TSFM: variants seen among roughly 807,000 people sequenced by gnomAD.
TSFM encodes elongation factor Ts, mitochondrial.
Under a neutral mutation model 33.4 loss-of-function variants are expected in TSFM, and 29 were observed. The ratio of observed to expected loss-of-function variants is 0.87; its 90% CI spans 0.65 to 1.18. TSFM has a LOEUF of 1.18. TSFM is among the 50% of genes most tolerant of loss of function. TSFM has a pLI of 0.00. For synonymous variants in TSFM, 178 were observed against 163.5 expected (o/e 1.09, Z -0.68); for missense variants, 394 against 395.6 (o/e 1.00, Z 0.04).
At chr12:57,797,757 C>T (rs2140431097), downstream of TSFM, 2 of 772,300 alleles carry the variant, frequency 2.6e-6, no homozygotes, top group Non-Finnish European at 3.7e-6. Flanking sequence ...CCGTGATTTG[C>T]AGACTCTATT....
intron 2 of TSFM, chr12:57,784,213 G>A (rs1224729140): frequency 5.8e-6 from 4 of 685,892 alleles, no homozygotes; most frequent in South Asian, 1.5e-5. Context: ...ACAGTAAATA[G>A]GCATAAAAGA....
chr12:57,783,771 A>G (rs1955548896), intron 2 of TSFM: 1 of 585,636 alleles, frequency 1.7e-6, no homozygotes, highest in African/African-American at 1.9e-5. Context: ...TTTATTTTTT[A>G]TTTTTTATTT....
rs373911414 is a variant in TSFM, at chr12:57,787,173, G to A, written c.483+11G>A. The stretch of plus-strand genomic sequence containing the variant: ...TCTGCATACAGTAAAGTAAGTTTGG[G>A]ATTTGTCTCCAGTGTGCTGAATTTG... On this transcript the variant is annotated intron_variant, in intron 4 of 5. Transcript: ENST00000652027. 3 of 1,556,208 alleles carry A rather than the reference G, an allele frequency of 1.9e-6. No homozygotes were observed. The African/African-American group carries it at 4.1e-5, about 21-fold the overall frequency.
At chr12:57,784,426 C>T (rs751374870) in intron 2 of TSFM, among the ~76,000 whole-genome samples, 1 of 152,086 alleles carries the variant, frequency 6.6e-6, no homozygotes, top group East Asian at 1.9e-4. Flanking sequence ...AATAAGTTAA[C>T]CTTAGTTTAA....
chr12:57,799,226 G>A (rs1955797370), downstream of TSFM, among the ~76,000 whole-genome samples: 1 of 152,160 alleles, frequency 6.6e-6, no homozygotes, highest in South Asian at 2.1e-4. Context: ...GGAGAAGGAT[G>A]TTTTTTCAGG....
downstream of TSFM, chr12:57,799,680 G>A (rs1384728329): frequency 4.2e-6 from 6 of 1,439,090 alleles, no homozygotes; most frequent in Non-Finnish European, 5.6e-6. Flanking sequence ...AGGTAGCTCA[G>A]ATGTCCATTG....
At chr12:57,802,557 C>T, downstream of TSFM, 2 of 741,072 alleles carry the variant, frequency 2.7e-6, no homozygotes, top group Non-Finnish European at 2.4e-6. Context: ...TCTTCCAGGT[C>T]TGCCTTTCCA....
At chr12:57,797,730 A>C, downstream of TSFM, 1 of 745,158 alleles carries the variant, frequency 1.3e-6, no homozygotes, top group Non-Finnish European at 1.9e-6. Flanking sequence ...CAAGGATGAG[A>C]AAAAATGGAG....
At position 57,786,218 on chromosome 12, in the gene TSFM, A is replaced by G; in HGVS notation, c.287A>G (p.Lys96Arg). 1 of 1,611,278 alleles carries G rather than the reference A, an allele frequency of 6.2e-7. No individual in the cohort carries two copies. Among genetic ancestry groups the G allele is most frequent in the Non-Finnish European group, 8.5e-7 (1 of 1,178,576 alleles). ...AAGGAGGGCTGGAGCAAAGCTGCCAAGCTCCAAGGGAGGAAGACCAAAGAA... is the reference window on the plus strand; with the variant it reads ...AAGGAGGGCTGGAGCAAAGCTGCCAGGCTCCAAGGGAGGAAGACCAAAGAA... ...AQKEGWSKAA[K>R]LQGRKTKEGL... The change falls in exon 3 of 6, where the codon AAG becomes AGG. Residue 96 changes from lysine to arginine, a missense_variant. This residue lies in a region of TSFM where 208 missense variants were observed against 180.4 expected (regional missense o/e 1.15). Coordinates refer to ENST00000652027, the MANE Select transcript of TSFM (RefSeq NM_005726.6).
chr12:57,793,473 C>T (rs962631092), intron 5 of TSFM, among the ~76,000 whole-genome samples: 3 of 152,036 alleles, frequency 2.0e-5, no homozygotes, highest in African/African-American at 7.2e-5. Context: ...CCGCCCGCCT[C>T]GGCCTCCCAA....
chr12:57,801,205 T>G, downstream of TSFM: 1 of 1,613,426 alleles, frequency 6.2e-7, no homozygotes. Flanking sequence ...TTCATATGTT[T>G]TTCCTGCCTG....
At chr12:57,791,969 A>C (rs1355553477) in intron 4 of TSFM, 2 of 376,706 alleles carry the variant, frequency 5.3e-6, no homozygotes, top group South Asian at 3.9e-5. Context: ...GGCCAGGTGC[A>C]GTGGCTCACG....
chr12:57,793,993 A>G (rs1955698414), intron 5 of TSFM, among the ~76,000 whole-genome samples: 1 of 152,186 alleles, frequency 6.6e-6, no homozygotes, highest in Admixed American at 6.5e-5. Flanking sequence ...CTTTCTTCCT[A>G]AGTATCCTTG....
At chr12:57,789,155 G>A (rs1955629061) in intron 4 of TSFM, among the ~76,000 whole-genome samples, 1 of 151,360 alleles carries the variant, frequency 6.6e-6, no homozygotes, top group South Asian at 2.1e-4. Flanking sequence ...GTAGAGACGG[G>A]AGTTTCACCA....
At position 57,783,135 on chromosome 12, in the gene TSFM, C is replaced by G; in HGVS notation, c.83C>G (p.Pro28Arg). Residue 28 changes from proline (P) to arginine (R), a missense_variant, in exon 2 of 6, where the codon CCC becomes CGC. Physicochemically the swap from Pro to Arg is moderately radical, Grantham distance 103. This residue lies in a region of TSFM where 208 missense variants were observed against 180.4 expected (regional missense o/e 1.15). Transcript: ENST00000652027. ...GCTGGGTCTCTTCTGCGTCAGTCGC[C>G]CCAGCCAAGGCACACATTTTATGCT... ...YPAGSLLRQS[P>R]QPRHTFYAGP... is the part of the protein sequence containing the mutation. The G allele has an allele frequency of 1.2e-6, 2 of 1,611,844 alleles. No individual in the cohort carries two copies. The highest frequency in any genetic ancestry group is 2.2e-5 in the South Asian group (2 of 91,062).
chr12:57,783,290 G>A lies in TSFM; in HGVS notation c.231+7G>A. On this transcript the variant is annotated splice_region_variant and intron_variant, in intron 2 of 5. Coordinates refer to ENST00000652027, the MANE Select transcript of TSFM (RefSeq NM_005726.6). ...TGGCGGGGACCTCAAACAGGTGTGT[G>A]TGTGGAGGGGTGCAGGGCGGAGTAC... The A allele has an allele frequency of 6.2e-7, 1 of 1,613,652 alleles. No homozygotes were observed. Among genetic ancestry groups the A allele is most frequent in the Admixed American group, 1.7e-5 (1 of 60,024 alleles).
At chr12:57,789,141 T>A (rs1285921954) in intron 4 of TSFM, among the ~76,000 whole-genome samples, 2 of 151,902 alleles carry the variant, frequency 1.3e-5, no homozygotes, top group African/African-American at 4.8e-5. Flanking sequence ...TTTTTTGTAT[T>A]TTTGTAGAGA....
chr12:57,793,019 C>A lies in TSFM; in HGVS notation c.517C>A (p.Pro173Thr), dbSNP rs201787594. 16 of 1,613,892 alleles carry A rather than the reference C, an allele frequency of 9.9e-6. No individual in the cohort carries two copies. Among genetic ancestry groups the A allele is most frequent in the Non-Finnish European group, 1.4e-5 (16 of 1,179,790 alleles). ...GAATTCCTCTGAGCTTTCTGGACTT[C>A]CAGCTGGGCCTGACAGAGAAGGCTC... Reference protein sequence around the residue: ...FLNSSELSGLPAGPDREGSLK... With the variant: ...FLNSSELSGLTAGPDREGSLK... Residue 173 changes from proline to threonine, a missense_variant, in exon 5 of 6, where the codon CCA becomes ACA. Pro to Thr is a conservative substitution (Grantham distance 38). Coordinates refer to ENST00000652027, the MANE Select transcript of TSFM (RefSeq NM_005726.6).
At chr12:57,795,978 C>T (rs1031031956) in intron 5 of TSFM, among the ~76,000 whole-genome samples, 199 bp from the exon 6 acceptor site, 8 of 152,172 alleles carry the variant, frequency 5.3e-5, no homozygotes, top group Non-Finnish European at 1.0e-4. Context: ...TCTTCACTTC[C>T]CCCACTCCCG....
Sources: allele counts gnomAD v4.1 joint callset (sites outside exome capture counted in the v4.1 genomes callset), GRCh38; gene constraint gnomAD v4.1.1; regional missense constraint gnomAD v4.1.1; transcripts MANE v1.5; gene names NCBI Gene and HGNC (gene_info 2026-07-23, HGNC 2026-07-21).